HERC1: variants seen among roughly 807,000 people sequenced by gnomAD.
HERC1 encodes HECT and RLD domain containing E3 ubiquitin protein ligase family member 1, also known as probable E3 ubiquitin-protein ligase HERC1.
HERC1 carries 160 observed loss-of-function variants against 554.3 expected under a neutral mutation model. The observed-to-expected ratio is 0.29, with a 90% CI of 0.25 to 0.33. HERC1 has a LOEUF of 0.33. Ranked by LOEUF, HERC1 falls within the 10% of genes least tolerant of loss-of-function variation. The pLI, the probability that HERC1 is intolerant of heterozygous loss-of-function variation, is 1.00. For missense variants in HERC1, 4,919 were observed against 5,918.5 expected (o/e 0.83, Z 5.54); for synonymous variants, 2,175 against 2,131.7 (o/e 1.02, Z -0.56).
chr15:63,713,507 C>T lies in HERC1; in HGVS notation c.4309G>A (p.Val1437Met), dbSNP rs779800919. Residue 1437 changes from valine to methionine, a missense_variant, in exon 23 of 78, where the codon GTG (valine) becomes ATG (methionine). Around this residue, in one of 11 missense-constraint regions of HERC1, gnomAD observed 1,121 missense variants for 1,244.0 expected, o/e 0.90. Coordinates refer to ENST00000443617, the MANE Select transcript of HERC1 (RefSeq NM_003922.4). ...ACGGAGTTGCATGCAGCAGTGTACA[C>T]ATCCTGACCCTCAGGAAGGTCTGTG... Reference protein sequence around the residue: ...VSTDLPEGQDVYTAACNSVIH... With the variant: ...VSTDLPEGQDMYTAACNSVIH... 20 of 1,613,894 alleles carry T rather than the reference C, an allele frequency of 1.2e-5. No individual in the cohort carries two copies. The highest frequency in any genetic ancestry group is 1.6e-5 in the Non-Finnish European group (19 of 1,179,902).
chr15:63,804,454 C>T (rs543555628), intron 1 of HERC1, among the ~76,000 whole-genome samples: 54 of 152,008 alleles, frequency 3.6e-4, no homozygotes, highest in African/African-American at 1.3e-3. Flanking sequence ...GGCATGGTGG[C>T]GGGCGCCTGT....
intron 36 of HERC1, among the ~76,000 whole-genome samples, chr15:63,679,090 T>A (rs909956170): frequency 6.6e-6 from 1 of 152,230 alleles, no homozygotes; most frequent in African/African-American, 2.4e-5. Context: ...CTAGATAGAA[T>A]AAATTAATTG....
chr15:63,673,286 T>C (rs1003419290), intron 38 of HERC1, among the ~76,000 whole-genome samples: 12 of 152,146 alleles, frequency 7.9e-5, no homozygotes, highest in African/African-American at 2.9e-4. Flanking sequence ...CAAAGACAAG[T>C]AATTCTATTA....
chr15:63,666,348 T>TA lies in HERC1; in HGVS notation c.8323+7dup, dbSNP rs767926073. ...CTGTATACACTGATATATAAAAACTTATCCTACCTGTAGCTTCCATGGCTT... is the reference window on the plus strand; with the variant it reads ...CTGTATACACTGATATATAAAAACTTAATCCTACCTGTAGCTTCCATGGCTT... On this transcript the variant is annotated splice_region_variant and intron_variant, in intron 41 of 77. Coordinates refer to ENST00000443617, the MANE Select transcript of HERC1 (RefSeq NM_003922.4). The TA allele has an allele frequency of 1.3e-6, 2 of 1,594,950 alleles. No individual in the cohort carries two copies. Among genetic ancestry groups the TA allele is most frequent in the South Asian group, 2.2e-5 (2 of 90,486 alleles).
chr15:63,642,841 A>G (rs2069139080), intron 59 of HERC1, 116 bp downstream of exon 59: 1 of 672,784 alleles, frequency 1.5e-6, no homozygotes, highest in Non-Finnish European at 2.7e-6. Context: ...GTTTTGGACA[A>G]GTAGTAATCC....
intron 68 of HERC1, among the ~76,000 whole-genome samples, chr15:63,631,206 CA>C (rs1329627396): frequency 1.3e-5 from 2 of 152,148 alleles, no homozygotes; most frequent in Admixed American, 1.3e-4. Flanking sequence ...CTCAAACTTC[CA>C]ACCAACCTCT....
Position 63,692,483 on chromosome 15 carries a change from T to G in HERC1, c.5758A>C (p.Ile1920Leu). The change falls in exon 31 of 78, where the codon ATT becomes CTT. Residue 1920 changes from isoleucine to leucine, a missense_variant. Physicochemically the swap from Ile to Leu is conservative, Grantham distance 5. This residue lies in a region of HERC1 where 1,121 missense variants were observed against 1,244.0 expected (regional missense o/e 0.90). Transcript: ENST00000443617. The surrounding 1 kb of genome is among the most constrained non-coding windows in gnomAD (Gnocchi z 4.7). ...TTTGGGGAAGCCATTTTTGATTGAATTGCTTTTGAAGATACAACTCTGCGA... is the reference window on the plus strand; with the variant it reads ...TTTGGGGAAGCCATTTTTGATTGAAGTGCTTTTGAAGATACAACTCTGCGA... ...FLRRVVSSKAIQSKMASPKWT... is the reference protein window; with the variant it reads ...FLRRVVSSKALQSKMASPKWT... 1 of 1,613,388 alleles carries G rather than the reference T, an allele frequency of 6.2e-7. No homozygotes were observed. The highest frequency in any genetic ancestry group is 1.3e-5 in the African/African-American group (1 of 75,000).
Position 63,694,836 on chromosome 15 carries a change from T to G in HERC1, c.5180A>C (p.Lys1727Thr), listed in dbSNP as rs752108505. The stretch of plus-strand genomic sequence containing the variant: ...GGTAGCAGACAACTGTTGATAAATT[T>G]TATGCACAGCTACCTGGATTTCAAT... ...IQIEIQVAVH[K>T]IYQQLSATLE... The change falls in exon 28 of 78, where the codon AAA becomes ACA. Residue 1727 changes from lysine to threonine, a missense_variant. Coordinates refer to ENST00000443617, the MANE Select transcript of HERC1 (RefSeq NM_003922.4). This position sits in a 1 kb window ranked among gnomAD's most constrained non-coding sequence, Gnocchi z 4.3. 2 of 1,613,870 alleles carry G rather than the reference T, an allele frequency of 1.2e-6. No homozygotes were observed. The highest frequency in any genetic ancestry group is 1.1e-5 in the South Asian group (1 of 91,080).
In HERC1 at chr15:63,820,781, T is replaced by C. The variant is rs115027405; in HGVS notation, c.-27+13046A>G. 8.8e-3 allele frequency among the ~76,000 whole-genome samples: 1,336 copies of C among 152,274 alleles called. 15 individuals carry two copies. The highest frequency in any genetic ancestry group is 0.031 in the African/African-American group (1,283 of 41,550). ...AGTTCTCCGGCCTTGGCCTCCCAAG[T>C]AGCTAGGACTATAGGCATGCCACCA... On this transcript the variant is annotated intron_variant, in intron 1 of 77. Transcript: ENST00000443617.
chr15:63,667,218 A>G (rs1485330654), intron 40 of HERC1, among the ~76,000 whole-genome samples: 4 of 152,236 alleles, frequency 2.6e-5, no homozygotes. Flanking sequence ...TGATCAGATG[A>G]TGGAAATGTA....
chr15:63,717,068 A>G (rs560685088), intron 21 of HERC1, among the ~76,000 whole-genome samples: 1 of 152,246 alleles, frequency 6.6e-6, no homozygotes, highest in African/African-American at 2.4e-5. Context: ...AGACAGTCAT[A>G]AATACCATTC....
intron 15 of HERC1, 21 bp downstream of exon 15, chr15:63,729,476 A>G (rs1884989254): frequency 1.2e-6 from 2 of 1,609,416 alleles, no homozygotes; most frequent in Non-Finnish European, 8.5e-7. Flanking sequence ...AGATCACCAT[A>G]AAAGACAAAT....
chr15:63,617,328 T>C (rs2067865192), intron 74 of HERC1, among the ~76,000 whole-genome samples: 1 of 151,436 alleles, frequency 6.6e-6, no homozygotes, highest in Non-Finnish European at 1.5e-5. Flanking sequence ...TGTCCCTACA[T>C]GACATGAACT....
At chr15:63,644,037 T>A (rs936770666) in intron 57 of HERC1, among the ~76,000 whole-genome samples, 1 of 152,220 alleles carries the variant, frequency 6.6e-6, no homozygotes, top group African/African-American at 2.4e-5. Flanking sequence ...GGCCTGTCTA[T>A]AGGGCTGCCC....
At chr15:63,710,971 G>C (rs1388150323) in intron 24 of HERC1, among the ~76,000 whole-genome samples, 1 of 152,194 alleles carries the variant, frequency 6.6e-6, no homozygotes, top group Non-Finnish European at 1.5e-5. Flanking sequence ...TAGACTTCTA[G>C]TCTGAGAAAA....
At chr15:63,611,823 G>C (rs191723539) in intron 77 of HERC1, among the ~76,000 whole-genome samples, 117 of 152,270 alleles carry the variant, frequency 7.7e-4, no homozygotes, top group African/African-American at 2.1e-3. Context: ...GAAATTCTAA[G>C]TATTAATAAG....
At chr15:63,728,938 T>TAAA (rs770900168) in intron 16 of HERC1, among the ~76,000 whole-genome samples, 22 of 130,590 alleles carry the variant, frequency 1.7e-4, no homozygotes, top group Non-Finnish European at 3.4e-4. Flanking sequence ...AGAGCAGGTT[T>TAAA]TAAAAAAAAA....
chr15:63,787,179 T>C (rs2076482624), intron 1 of HERC1, among the ~76,000 whole-genome samples: 1 of 151,602 alleles, frequency 6.6e-6, no homozygotes, highest in Non-Finnish European at 1.5e-5. Flanking sequence ...ATTTTTGAGA[T>C]GGAGTCTCAC....
chr15:63,751,020 C>T (rs1485718807), intron 8 of HERC1, among the ~76,000 whole-genome samples: 3 of 152,100 alleles, frequency 2.0e-5, no homozygotes, highest in African/African-American at 7.2e-5. Flanking sequence ...GATTCCAGTA[C>T]ATAAGGCATA....
Sources: gnomAD v4.1 joint callset for allele counts (sites outside exome capture counted in the v4.1 genomes callset) on GRCh38, gnomAD v4.1.1 for gene constraint, gnomAD v4.1.1 regional missense constraint, Gnocchi (gnomAD v3.1) non-coding constraint, MANE v1.5 for transcripts, NCBI Gene and HGNC (gene_info 2026-07-23, HGNC 2026-07-21) for gene names.